Variants in APBB2 observed in about 807,000 individuals in gnomAD.
APBB2 encodes Fe65-like 1.
In APBB2, 38 loss-of-function variants were observed where a neutral mutation model predicts 82.5. The observed-to-expected ratio is 0.46, with a 90% confidence interval of 0.36 to 0.60. The LOEUF (loss-of-function observed/expected upper bound fraction) is 0.60. APBB2 is among the 20% of genes least tolerant of loss of function. The pLI is 0.00. For missense variants in APBB2, 772 were observed against 972.3 expected (o/e 0.79, Z 2.74); for synonymous variants, 341 against 368.2 (o/e 0.93, Z 0.85).
chr4:41,062,349 T>G (rs915321424), intron 4 of APBB2, among the ~76,000 whole-genome samples: 1 of 10,282 alleles, frequency 9.7e-5, no homozygotes, highest in Non-Finnish European at 1.6e-4. Flanking sequence ...ATTTTTGTAT[T>G]TTTTTTTTTA....
intron 10 of APBB2, among the ~76,000 whole-genome samples, chr4:40,916,399 G>A (rs2154365600): frequency 6.6e-6 from 1 of 152,324 alleles, no homozygotes; most frequent in East Asian, 1.9e-4. Context: ...GCTGTCATTG[G>A]CAAGCCTGTT....
At chr4:40,925,056 G>A (rs1050680231) in intron 10 of APBB2, among the ~76,000 whole-genome samples, 4 of 152,180 alleles carry the variant, frequency 2.6e-5, no homozygotes, top group East Asian at 1.9e-4. Context: ...CTAAGGTATC[G>A]TCTCCTTCTG....
chr4:40,881,647 C>T (rs1229827510), intron 12 of APBB2, among the ~76,000 whole-genome samples: 1 of 149,826 alleles, frequency 6.7e-6, no homozygotes, highest in Admixed American at 6.7e-5. Flanking sequence ...GATTCTCCTG[C>T]CTCAGCCTCC....
intron 10 of APBB2, among the ~76,000 whole-genome samples, chr4:40,918,510 G>A (rs978396368): frequency 6.6e-5 from 10 of 152,212 alleles, no homozygotes; most frequent in East Asian, 1.9e-4. Flanking sequence ...CTTTAATGCC[G>A]TTAATGGCAG....
chr4:41,148,843 A>C (rs916811120), intron 1 of APBB2, among the ~76,000 whole-genome samples: 1 of 152,230 alleles, frequency 6.6e-6, no homozygotes, highest in Non-Finnish European at 1.5e-5. Flanking sequence ...CACTAAAAAA[A>C]AATTTCTGCT....
intron 6 of APBB2, among the ~76,000 whole-genome samples, chr4:40,986,854 T>A (rs1393286400): frequency 1.3e-5 from 2 of 152,176 alleles, no homozygotes; most frequent in Non-Finnish European, 2.9e-5. Flanking sequence ...ATTATTAAGA[T>A]AAATTTAGGA....
At chr4:41,011,373 G>T (rs1403998804) in intron 6 of APBB2, among the ~76,000 whole-genome samples, 1 of 151,492 alleles carries the variant, frequency 6.6e-6, no homozygotes, top group African/African-American at 2.4e-5. Context: ...TAGAGACAGG[G>T]TTTCACGATA....
chr4:41,178,033 C>T (rs945683244), intron 1 of APBB2, among the ~76,000 whole-genome samples: 1 of 152,110 alleles, frequency 6.6e-6, no homozygotes, highest in Admixed American at 6.5e-5. Flanking sequence ...GTCTCACACG[C>T]AGAAGAACCT....
chr4:41,049,363 C>CGGGA lies in APBB2; in HGVS notation c.-50-16063_-50-16060dup, dbSNP rs1302227779. 6.7e-5 allele frequency among the ~76,000 whole-genome samples: 6 copies of CGGGA among 88,996 alleles called. 1 individual carries two copies. Among genetic ancestry groups the CGGGA allele is most frequent in the East Asian group, 6.4e-4 (1 of 1,562 alleles). The allele number at this position is 88,996 out of a possible 152,430, so 58.4% of individuals were successfully genotyped here. A position where few individuals can be genotyped will look rare whatever the true frequency, so the allele number is the denominator to read the frequency against. The stretch of plus-strand genomic sequence containing the variant: ...GTCTCCGACCGGCAGCCGCCCCGTC[C>CGGGA]GGGAGGTGGGGGGTCAGCCCCCGCC... On this transcript the variant is annotated intron_variant, in intron 4 of 17. Transcript: ENST00000508593.
chr4:41,088,173 C>T lies in APBB2; in HGVS notation c.-149+12466G>A, dbSNP rs114325614. On this transcript the variant is annotated intron_variant, in intron 3 of 17. Coordinates refer to ENST00000508593, the MANE Select transcript of APBB2 (RefSeq NM_004307.2). The stretch of plus-strand genomic sequence containing the variant: ...GAGGTACTTGATGTCTCCAAGGTCA[C>T]ATAAGGAGGTGGTACAACCATGATT... Among the ~76,000 whole-genome samples the T allele has an allele frequency of 4.8e-3, 726 of 152,326 alleles. 5 individuals carry two copies. Among genetic ancestry groups the T allele is most frequent in the African/African-American group, 0.017 (704 of 41,576 alleles).
rs546670110 is a variant in APBB2, at chr4:40,910,655, C to G, written c.1255-17244G>C. 1.2e-4 allele frequency among the ~76,000 whole-genome samples: 19 copies of G among 152,340 alleles called. No individual in the cohort carries two copies. The South Asian group carries it at 2.5e-3, about 20-fold the overall frequency. On this transcript the variant is annotated intron_variant, in intron 10 of 17. Coordinates refer to ENST00000508593, the MANE Select transcript of APBB2 (RefSeq NM_004307.2). The stretch of plus-strand genomic sequence containing the variant: ...GGCCTGTTCTGTGGACCTCTGTATA[C>G]CCACCACCCAAAAGTGGCCCCGGAT...
chr4:41,049,218 A>C (rs1296675127), intron 4 of APBB2, among the ~76,000 whole-genome samples: 1 of 133,976 alleles, frequency 7.5e-6, no homozygotes, highest in Non-Finnish European at 1.6e-5. Context: ...GGATGTGAGG[A>C]GCGCCTCTGC....
chr4:40,903,898 T>C (rs1455667728), intron 10 of APBB2, among the ~76,000 whole-genome samples: 2 of 152,238 alleles, frequency 1.3e-5, no homozygotes, highest in Non-Finnish European at 2.9e-5. Flanking sequence ...TATGTGACTA[T>C]GAAGAAGAAC....
chr4:41,148,200 T>C (rs940162546), intron 1 of APBB2, among the ~76,000 whole-genome samples: 3 of 152,190 alleles, frequency 2.0e-5, no homozygotes, highest in Non-Finnish European at 4.4e-5. Context: ...AAAGGGTTCA[T>C]GTAATAACTT....
chr4:41,146,389 A>G (rs1021433190), intron 1 of APBB2, among the ~76,000 whole-genome samples: 5 of 150,722 alleles, frequency 3.3e-5, no homozygotes, highest in African/African-American at 9.8e-5. Context: ...AGCTATTCAG[A>G]AGGCTGAAGT....
intron 6 of APBB2, among the ~76,000 whole-genome samples, chr4:41,011,305 C>G (rs62412104): frequency 0.046 from 6,945 of 151,740 alleles, 336 homozygotes; most frequent in African/African-American, 0.12. Flanking sequence ...CTCAGCCTCC[C>G]GAGTAGCTGG....
intron 4 of APBB2, among the ~76,000 whole-genome samples, chr4:41,046,924 T>G (rs1312005236): frequency 1.3e-5 from 2 of 152,238 alleles, no homozygotes; most frequent in African/African-American, 4.8e-5. Flanking sequence ...GATCTGTGAT[T>G]CTGATGAACC....
At chr4:40,982,494 A>C (rs1179411033) in intron 6 of APBB2, among the ~76,000 whole-genome samples, 2 of 151,908 alleles carry the variant, frequency 1.3e-5, no homozygotes, top group Non-Finnish European at 2.9e-5. Context: ...TGGGCAATGT[A>C]GCAAAACCAG....
At chr4:41,121,143 T>G (rs762408210) in intron 2 of APBB2, among the ~76,000 whole-genome samples, 4 of 152,264 alleles carry the variant, frequency 2.6e-5, no homozygotes, top group Admixed American at 2.0e-4. Context: ...GTAACCAGAA[T>G]AGCCAAAACT....
Sources: allele counts gnomAD v4.1 joint callset (sites outside exome capture counted in the v4.1 genomes callset), GRCh38; gene constraint gnomAD v4.1.1; transcripts MANE v1.5; gene names NCBI Gene and HGNC (gene_info 2026-07-23, HGNC 2026-07-21).